CMSS1: variants seen among roughly 807,000 people sequenced by gnomAD.
CMSS1 encodes protein CMSS1.
A neutral mutation model predicts 43.5 loss-of-function variants in CMSS1; 33 were observed. The ratio of observed to expected loss-of-function variants is 0.76; its 90% confidence interval spans 0.57 to 1.01. CMSS1 has a LOEUF of 1.01. Among genes scored for constraint, CMSS1 ranks in the 50% least tolerant of loss-of-function variants. CMSS1 has a pLI of 0.00. For missense variants in CMSS1, 313 were observed against 326.4 expected, an observed-to-expected ratio of 0.96 and a Z score of 0.32; for synonymous variants, 115 against 117.2, an observed-to-expected ratio of 0.98 and a Z score of 0.12.
chr3:100,051,316 T>G (rs1018060418), intron 1 of CMSS1: 1 of 151,968 alleles, frequency 6.6e-6, no homozygotes, highest in Non-Finnish European at 1.5e-5. Flanking sequence ...AGTAAATAAT[T>G]TTATTTCAAA....
At chr3:99,929,016 A>G (rs779313172) in intron 1 of CMSS1, among the ~76,000 whole-genome samples, 1 of 152,208 alleles carries the variant, frequency 6.6e-6, no homozygotes, top group African/African-American at 2.4e-5. Context: ...GTCCTGAGGT[A>G]GGTTGCCAGA....
intron 1 of CMSS1, chr3:99,850,575 A>G (rs1393491145): frequency 1.2e-6 from 2 of 1,613,660 alleles, no homozygotes; most frequent in Non-Finnish European, 1.7e-6. Context: ...CAGCCATGAT[A>G]CCAGCGTTTC....
intron 1 of CMSS1, among the ~76,000 whole-genome samples, chr3:100,119,194 A>C (rs2066600076): frequency 6.6e-6 from 1 of 152,232 alleles, no homozygotes; most frequent in South Asian, 2.1e-4. Flanking sequence ...GTTGACAGAT[A>C]TATATTGCTA....
At chr3:100,116,091 A>G (rs1268933626) in intron 1 of CMSS1, among the ~76,000 whole-genome samples, 1 of 152,216 alleles carries the variant, frequency 6.6e-6, no homozygotes, top group African/African-American at 2.4e-5. Flanking sequence ...ATTCTTCTTA[A>G]TCATATCAGG....
chr3:100,075,280 G>A (rs1246838011), intron 1 of CMSS1, among the ~76,000 whole-genome samples: 1 of 152,146 alleles, frequency 6.6e-6, no homozygotes, highest in Non-Finnish European at 1.5e-5. Context: ...TGACACAAGA[G>A]AACAATCTAG....
intron 1 of CMSS1, among the ~76,000 whole-genome samples, chr3:100,015,849 A>G (rs1172412648): frequency 1.3e-5 from 2 of 152,216 alleles, no homozygotes; most frequent in African/African-American, 2.4e-5. Context: ...ACATATGATC[A>G]TTGTAGGGAA....
chr3:99,852,614 T>G (rs2107532783), intron 1 of CMSS1, among the ~76,000 whole-genome samples: 1 of 151,968 alleles, frequency 6.6e-6, no homozygotes, highest in Non-Finnish European at 1.5e-5. Flanking sequence ...CCCAGCTAAT[T>G]TTTGTATTTT....
At chr3:100,145,454 A>G (rs1425697802) in intron 1 of CMSS1, among the ~76,000 whole-genome samples, 1 of 152,160 alleles carries the variant, frequency 6.6e-6, no homozygotes, top group Non-Finnish European at 1.5e-5. Flanking sequence ...TCTCAAAAAA[A>G]AAAAAGTATA....
At chr3:99,971,009 T>C (rs1202206925) in intron 1 of CMSS1, among the ~76,000 whole-genome samples, 1 of 152,178 alleles carries the variant, frequency 6.6e-6, no homozygotes, top group Non-Finnish European at 1.5e-5. Context: ...ACAAGATATT[T>C]AACAGCAAGG....
chr3:100,008,426 C>T (rs1335644798), intron 1 of CMSS1, among the ~76,000 whole-genome samples: 2 of 152,254 alleles, frequency 1.3e-5, no homozygotes, highest in East Asian at 3.9e-4. Context: ...GGGTACCCTT[C>T]ATATAAGTGT....
At chr3:100,115,024 T>G in intron 1 of CMSS1, 1 of 1,431,392 alleles carries the variant, frequency 7.0e-7, no homozygotes, top group Non-Finnish European at 9.5e-7. Context: ...TTATTTGACA[T>G]TTTGTTTTAT....
chr3:100,156,907 G>A (rs1483873802), intron 2 of CMSS1, among the ~76,000 whole-genome samples: 3 of 152,236 alleles, frequency 2.0e-5, no homozygotes, highest in South Asian at 4.1e-4. Flanking sequence ...GAGCCACCAC[G>A]CCTGGCTGTT....
intron 1 of CMSS1, among the ~76,000 whole-genome samples, chr3:100,067,183 G>T (rs750357597): frequency 1.3e-5 from 2 of 152,026 alleles, no homozygotes; most frequent in Admixed American, 6.6e-5. Context: ...TTGTTTGTTT[G>T]TTTGTTTGTT....
Position 99,872,632 on chromosome 3 carries a change from A to G in CMSS1, c.64+54589A>G, listed in dbSNP as rs1037142832. 2.6e-5 allele frequency among the ~76,000 whole-genome samples: 4 copies of G among 152,144 alleles called. No individual in the cohort carries two copies. The South Asian group carries it at 6.2e-4, about 24-fold the overall frequency. ...TTTAAAAAAAATTCTATACTTAACA[A>G]TTTATCATATTTTGGAGCCAGTAGA... is the stretch of plus-strand genomic sequence containing the variant. On this transcript the variant is annotated intron_variant, in intron 1 of 9. Transcript: ENST00000421999.
chr3:100,091,081 C>G (rs553374099), intron 1 of CMSS1, among the ~76,000 whole-genome samples: 1 of 151,996 alleles, frequency 6.6e-6, no homozygotes, highest in Non-Finnish European at 1.5e-5. Flanking sequence ...ATCAGGAGAT[C>G]GAGACCATCC....
chr3:99,892,810 C>A (rs1576552608), intron 1 of CMSS1, among the ~76,000 whole-genome samples: 1 of 152,330 alleles, frequency 6.6e-6, no homozygotes, highest in Non-Finnish European at 1.5e-5. Flanking sequence ...GCTTATAAAT[C>A]AATCAGATTT....
chr3:100,149,334 C>G (rs1173882322), intron 2 of CMSS1, among the ~76,000 whole-genome samples: 1 of 152,172 alleles, frequency 6.6e-6, no homozygotes, highest in Admixed American at 6.5e-5. Flanking sequence ...GGCTGTGAGC[C>G]AGACTCCAAG....
At chr3:100,017,495 C>CA in intron 1 of CMSS1, among the ~76,000 whole-genome samples, 1 of 152,338 alleles carries the variant, frequency 6.6e-6, no homozygotes, top group East Asian at 1.9e-4. Context: ...TGGCACCTAC[C>CA]AAATGAGAGT....
At chr3:100,100,393 A>G (rs2066284297) in intron 1 of CMSS1, among the ~76,000 whole-genome samples, 1 of 152,192 alleles carries the variant, frequency 6.6e-6, no homozygotes, top group Non-Finnish European at 1.5e-5. Context: ...ACATTATAAT[A>G]TTATCAGACC....
Sources: allele counts gnomAD v4.1 joint callset (sites outside exome capture counted in the v4.1 genomes callset), GRCh38; gene constraint gnomAD v4.1.1; transcripts MANE v1.5; gene names NCBI Gene and HGNC (gene_info 2026-07-23, HGNC 2026-07-21).